The following VWA3A variants were observed in gnomAD, a reference collection of about 807,000 sequenced individuals.
VWA3A encodes von Willebrand factor A domain-containing protein 3A.
VWA3A carries 134 observed loss-of-function variants against 160.4 expected under a neutral mutation model. The ratio of observed to expected loss-of-function variants is 0.84; its 90% confidence interval spans 0.73 to 0.96. The LOEUF (loss-of-function observed/expected upper bound fraction) is 0.96, where lower values mean the gene tolerates loss of function less well. Among genes scored for constraint, VWA3A ranks in the 40% least tolerant of loss-of-function variants. VWA3A has a pLI of 0.00. For synonymous variants in VWA3A, 476 were observed against 543.4 expected, an observed-to-expected ratio of 0.88 and a Z score of 1.72; for missense variants, 1,310 against 1,447.9, an observed-to-expected ratio of 0.90 and a Z score of 1.55.
chr16:22,097,539 G>A (rs1382457498), intron 2 of VWA3A, 33 bp from the exon 3 acceptor site: 2 of 1,549,212 alleles, frequency 1.3e-6, no homozygotes, highest in Non-Finnish European at 1.7e-6. Flanking sequence ...GCCCAGTGCT[G>A]GGGCATTGAT....
rs753557515 is a variant in VWA3A, at chr16:22,155,647, G to A, written c.3486G>A (p.Trp1162Ter). The A allele has an allele frequency of 1.9e-6, 3 of 1,613,890 alleles. No homozygotes were observed. In the East Asian group the frequency reaches 6.7e-5, roughly 36 times the overall value. ...QEITKARSFLWQAQSFRSQLQ... is the reference protein window; with the variant it reads ...QEITKARSFL ...TCACCAAGGCCAGAAGCTTCCTCTG[G>A]CAGGCCCAATCCTTCAGGTATGCCC... The change falls in exon 32 of 34, where the codon TGG (tryptophan) becomes TGA (stop). Residue 1162 changes from tryptophan to a stop codon, truncating the protein, a stop_gained. Transcript: ENST00000389398. LOFTEE classifies it high-confidence loss of function.
rs182127771 is a variant in VWA3A at position 22,148,316 on chromosome 16, G to C, written c.2984+10G>C. Reference sequence around the variant, plus strand: ...GGAAGTGCTGTGACAGGTAGGAGGCGAGGGCTGATCAGGAAGATCAAAGGG... The same window carrying C: ...GGAAGTGCTGTGACAGGTAGGAGGCCAGGGCTGATCAGGAAGATCAAAGGG... On this transcript the variant is annotated intron_variant, in intron 28 of 33. Transcript: ENST00000389398. 1 of 1,587,278 alleles carries C rather than the reference G, an allele frequency of 6.3e-7. No individual in the cohort carries two copies. The highest frequency in any genetic ancestry group is 8.6e-7 in the Non-Finnish European group (1 of 1,167,188).
intron 21 of VWA3A, among the ~76,000 whole-genome samples, chr16:22,136,695 C>T (rs1473157519): frequency 6.6e-6 from 1 of 151,952 alleles, no homozygotes; most frequent in East Asian, 1.9e-4. Context: ...CCCCTGCGTG[C>T]CTGTGCTGTC....
At chr16:22,100,342 AC>A (rs1249399650) in intron 4 of VWA3A, 24 bp downstream of exon 4, 7 of 1,550,666 alleles carry the variant, frequency 4.5e-6, no homozygotes, top group Non-Finnish European at 6.1e-6. Flanking sequence ...TGTTCCCCGC[AC>A]CCCCCACAGC....
At chr16:22,099,049 T>C (rs975049737) in intron 3 of VWA3A, among the ~76,000 whole-genome samples, 7 of 151,514 alleles carry the variant, frequency 4.6e-5, no homozygotes, top group Admixed American at 2.6e-4. Flanking sequence ...TAAGCTGAGA[T>C]TGTGGCACTG....
intron 7 of VWA3A, among the ~76,000 whole-genome samples, chr16:22,110,288 A>C (rs1018883148): frequency 2.6e-5 from 4 of 152,080 alleles, no homozygotes; most frequent in African/African-American, 9.7e-5. Context: ...TGGACAGGCT[A>C]TTTTCTTACG....
chr16:22,142,096 T>C (rs1286748200), intron 24 of VWA3A, among the ~76,000 whole-genome samples: 2 of 152,016 alleles, frequency 1.3e-5, no homozygotes, highest in African/African-American at 2.4e-5. Context: ...CCTTTCCCCA[T>C]CCACCCAACA....
chr16:22,152,486 C>T (rs768767582), intron 30 of VWA3A, 25 bp from the exon 31 acceptor site: 1 of 1,611,212 alleles, frequency 6.2e-7, no homozygotes, highest in Admixed American at 1.7e-5. Flanking sequence ...AGCCTTCCCA[C>T]CAGCCCTCTG....
chr16:22,115,871 A>G (rs2045624089), intron 9 of VWA3A, among the ~76,000 whole-genome samples: 1 of 14,562 alleles, frequency 6.9e-5, no homozygotes, highest in Non-Finnish European at 1.1e-4. Context: ...GGAAGGAAGG[A>G]AGGAAGGAAG....
At chr16:22,147,540 T>A in intron 27 of VWA3A, 2 of 702,514 alleles carry the variant, frequency 2.8e-6, no homozygotes, top group Non-Finnish European at 5.2e-6. Flanking sequence ...GCTTTGTACG[T>A]GCCACTCAGG....
chr16:22,103,509 C>T lies in VWA3A; in HGVS notation c.463C>T (p.Leu155Phe), dbSNP rs541359646. Reference sequence around the variant, plus strand: ...AGTCTATCAAGAGAGAATTCAGTGGCTCACAGAAAACAGCAAGAAGGTAAC... The same window carrying T: ...AGTCTATCAAGAGAGAATTCAGTGGTTCACAGAAAACAGCAAGAAGGTAAC... ...IEVYQERIQW[L>F]TENSKKAFGL... Residue 155 changes from leucine to phenylalanine, a missense_variant, in exon 6 of 34, where the codon CTC (leucine) becomes TTC (phenylalanine). Leu to Phe is a conservative substitution (Grantham distance 22). Coordinates refer to ENST00000389398, the MANE Select transcript of VWA3A (RefSeq NM_173615.5). 1 of 1,551,862 alleles carries T rather than the reference C, an allele frequency of 6.4e-7. No individual in the cohort carries two copies. The highest frequency in any genetic ancestry group is 1.4e-5 in the African/African-American group (1 of 73,150).
chr16:22,152,281 C>A (rs1206040411), intron 30 of VWA3A, among the ~76,000 whole-genome samples: 1 of 152,136 alleles, frequency 6.6e-6, no homozygotes, highest in African/African-American at 2.4e-5. Context: ...TAAATGGTGA[C>A]ACTCACACGG....
Position 22,138,487 on chromosome 16 carries a change from C to T in VWA3A, c.2267C>T (p.Pro756Leu). ...CCCAAGAAGCTCTGCCCTCCCAGGC[C>T]CACCGTCCCCCTGGGGGCCAGAATG... Reference protein sequence around the residue: ...SQPKKLCPPRPTVPLGARMSI... With the variant: ...SQPKKLCPPRLTVPLGARMSI... Residue 756 changes from proline (P) to leucine (L), a missense_variant, in exon 22 of 34, where the codon CCC (proline) becomes CTC (leucine). Transcript: ENST00000389398. 1.2e-6 allele frequency: 2 copies of T among 1,613,960 alleles called. No homozygotes were observed. Among genetic ancestry groups the T allele is most frequent in the South Asian group, 1.1e-5 (1 of 91,072 alleles).
chr16:22,136,487 C>A lies in VWA3A; in HGVS notation c.2140-1873C>A, dbSNP rs558423072. On this transcript the variant is annotated intron_variant, in intron 21 of 33. Transcript: ENST00000389398. ...AGATGGAGATTTAGGGCAGTTCAAG[C>A]CACAGTGACGGACAGAGGGCACTTA... 2.6e-5 allele frequency among the ~76,000 whole-genome samples: 4 copies of A among 152,160 alleles called. No individual in the cohort carries two copies. The East Asian group carries it at 7.7e-4, about 29-fold the overall frequency.
At chr16:22,155,716 AGACCCCG>A in intron 32 of VWA3A, 52 bp downstream of exon 32, 1 of 1,604,372 alleles carries the variant, frequency 6.2e-7, no homozygotes, top group Non-Finnish European at 8.5e-7. Flanking sequence ...CAGCCCATGC[AGACCCCG>A]GACCCCATCG....
intron 31 of VWA3A, among the ~76,000 whole-genome samples, chr16:22,153,291 C>T (rs1008768059): frequency 1.4e-4 from 22 of 152,110 alleles, no homozygotes; most frequent in African/African-American, 4.6e-4. Flanking sequence ...TGCAGTCAGC[C>T]GAGATTGCGC....
intron 29 of VWA3A, 49 bp from the exon 30 acceptor site, chr16:22,150,646 C>A: frequency 6.4e-7 from 1 of 1,550,858 alleles, no homozygotes. Context: ...TTCTTGTGTT[C>A]TGGGTGAGCC....
Position 22,100,512 on chromosome 16 carries a change from G to T in VWA3A, c.428+19G>T. The T allele has an allele frequency of 6.5e-7, 1 of 1,547,782 alleles. No individual in the cohort carries two copies. Among genetic ancestry groups the T allele is most frequent in the Non-Finnish European group, 8.7e-7 (1 of 1,143,530 alleles). ...TTTCTGAGTAAGTATGTTTCTCACT[G>T]TCCTCCCAACACCACAGAACTCAAG... On this transcript the variant is annotated intron_variant, in intron 5 of 33. Coordinates refer to ENST00000389398, the MANE Select transcript of VWA3A (RefSeq NM_173615.5).
intron 6 of VWA3A, 102 bp from the exon 7 acceptor site, chr16:22,109,380 G>A (rs1267032998): frequency 1.1e-6 from 1 of 932,012 alleles, no homozygotes; most frequent in Non-Finnish European, 1.7e-6. Flanking sequence ...TGCTTGTTAG[G>A]GGTGAGGAAA....
Sources: gnomAD v4.1 joint callset for allele counts (sites outside exome capture counted in the v4.1 genomes callset) on GRCh38, gnomAD v4.1.1 for gene constraint, MANE v1.5 for transcripts, NCBI Gene and HGNC (gene_info 2026-07-23, HGNC 2026-07-21) for gene names.